Variants in SYNDIG1 observed in about 807,000 individuals in gnomAD.
SYNDIG1 encodes synapse differentiation inducing 1.
Under a neutral mutation model 19.4 loss-of-function variants are expected in SYNDIG1, and 9 were observed. The observed-to-expected ratio is 0.46, with a 90% CI of 0.28 to 0.81. SYNDIG1 has a LOEUF of 0.81. SYNDIG1 is among the 30% of genes least tolerant of loss of function. SYNDIG1 has a pLI of 0.12. For missense variants in SYNDIG1, 311 were observed against 343.3 expected (o/e 0.91, Z 0.74); for synonymous variants, 141 against 145.9 (o/e 0.97, Z 0.24).
At chr20:24,566,793 C>T (rs1215718611) in intron 2 of SYNDIG1, among the ~76,000 whole-genome samples, 1 of 152,206 alleles carries the variant, frequency 6.6e-6, no homozygotes. Context: ...TGTGAATTAC[C>T]TGGGTCTGGT....
At chr20:24,655,348 A>G (rs1218403652) in intron 3 of SYNDIG1, among the ~76,000 whole-genome samples, 1 of 152,216 alleles carries the variant, frequency 6.6e-6, no homozygotes, top group East Asian at 1.9e-4. Context: ...CGTAGTCAAA[A>G]TAATGACCAT....
intron 2 of SYNDIG1, among the ~76,000 whole-genome samples, chr20:24,557,626 C>T (rs549802688): frequency 1.2e-3 from 183 of 152,282 alleles, no homozygotes; most frequent in African/African-American, 4.2e-3. Context: ...AGTGGATTTT[C>T]GTGAACCTCG....
At chr20:24,651,869 C>T (rs1281110769) in intron 3 of SYNDIG1, among the ~76,000 whole-genome samples, 1 of 152,190 alleles carries the variant, frequency 6.6e-6, no homozygotes, top group Non-Finnish European at 1.5e-5. Context: ...GGAAGTTCAG[C>T]TAGCAGTGAC....
chr20:24,657,362 A>C (rs1033702249), intron 3 of SYNDIG1, among the ~76,000 whole-genome samples: 2 of 152,184 alleles, frequency 1.3e-5, no homozygotes, highest in African/African-American at 4.8e-5. Context: ...AGGACACTCA[A>C]GAAGCCTCCC....
intron 3 of SYNDIG1, among the ~76,000 whole-genome samples, chr20:24,617,244 C>T (rs11087472): frequency 0.16 from 25,024 of 152,140 alleles, 2,589 homozygotes; most frequent in East Asian, 0.45. Flanking sequence ...CCGTCCCCAC[C>T]GAACCTCCGT....
chr20:24,482,411 G>A (rs1177342736), intron 1 of SYNDIG1, among the ~76,000 whole-genome samples: 2 of 152,168 alleles, frequency 1.3e-5, no homozygotes, highest in African/African-American at 4.8e-5. Context: ...ATGAAAGTTA[G>A]GGAAGACACA....
At chr20:24,485,633 T>A (rs2146272173) in intron 1 of SYNDIG1, among the ~76,000 whole-genome samples, 1 of 152,378 alleles carries the variant, frequency 6.6e-6, no homozygotes, top group East Asian at 1.9e-4. Flanking sequence ...TAATATCTCC[T>A]TTAAAGAAAG....
chr20:24,507,375 G>T lies in SYNDIG1; in HGVS notation c.-78-35645G>T, dbSNP rs1023392352. Among the ~76,000 whole-genome samples, 7 of 152,330 alleles carry T rather than the reference G, an allele frequency of 4.6e-5. No individual in the cohort carries two copies. The South Asian group carries it at 1.4e-3, about 32-fold the overall frequency. ...TCTGATTCATCATCTATATTCTCAC[G>T]TGGTTCCTGAAGGAGGAATAAATAA... is the stretch of plus-strand genomic sequence containing the variant. On this transcript the variant is annotated intron_variant, in intron 1 of 3. Coordinates refer to ENST00000376862, the MANE Select transcript of SYNDIG1 (RefSeq NM_024893.3).
At chr20:24,471,538 C>T (rs1466534203) in intron 1 of SYNDIG1, among the ~76,000 whole-genome samples, 6 of 150,774 alleles carry the variant, frequency 4.0e-5, no homozygotes, top group Non-Finnish European at 7.4e-5. Flanking sequence ...TGATCGGCGC[C>T]CTCTCTCACC....
chr20:24,478,581 T>C (rs937092220), intron 1 of SYNDIG1, among the ~76,000 whole-genome samples: 7 of 152,278 alleles, frequency 4.6e-5, no homozygotes, highest in Admixed American at 1.3e-4. Flanking sequence ...CCTAGAATAC[T>C]GTTTGGGACA....
chr20:24,512,793 C>T (rs562930593), intron 1 of SYNDIG1, among the ~76,000 whole-genome samples: 194 of 152,314 alleles, frequency 1.3e-3, no homozygotes, highest in Non-Finnish European at 2.2e-3. Flanking sequence ...TCTCCCAGCA[C>T]GGAGTTTGAG....
chr20:24,576,375 C>T (rs184947637), intron 2 of SYNDIG1, among the ~76,000 whole-genome samples: 3 of 152,240 alleles, frequency 2.0e-5, no homozygotes, highest in East Asian at 1.9e-4. Flanking sequence ...ACATTGCCCA[C>T]GATTTCATTT....
chr20:24,640,299 T>G (rs2059359260), intron 3 of SYNDIG1, among the ~76,000 whole-genome samples: 2 of 143,152 alleles, frequency 1.4e-5, no homozygotes, highest in African/African-American at 2.6e-5. Context: ...GCAGCCTGGG[T>G]GACAGTGAGA....
At position 24,584,807 on chromosome 20, in the gene SYNDIG1, C is replaced by G. The variant is rs1173446886; in HGVS notation, c.481-49C>G. 4 of 1,613,098 alleles carry G rather than the reference C, an allele frequency of 2.5e-6. No homozygotes were observed. In the Admixed American group the frequency reaches 6.7e-5, roughly 27 times the overall value. The stretch of plus-strand genomic sequence containing the variant: ...CATCCCTGGACACCCCAGGATGACT[C>G]CTTTATTAATCTTCTCTCCTGTCCT... On this transcript the variant is annotated intron_variant, in intron 2 of 3. Transcript: ENST00000376862.
rs139191658 is a variant in SYNDIG1, at chr20:24,502,991, A to C, written c.-79+33238A>C. ...GCACAATTATGTTCAGTGATCATTC[A>C]AGATGTCATAGCATGAAGCCCATCA... On this transcript the variant is annotated intron_variant, in intron 1 of 3. Transcript: ENST00000376862. 2.6e-5 allele frequency among the ~76,000 whole-genome samples: 4 copies of C among 152,366 alleles called. No homozygotes were observed. The East Asian group carries it at 7.7e-4, about 29-fold the overall frequency.
At chr20:24,538,140 A>G (rs2057399096) in intron 1 of SYNDIG1, among the ~76,000 whole-genome samples, 1 of 152,184 alleles carries the variant, frequency 6.6e-6, no homozygotes, top group South Asian at 2.1e-4. Flanking sequence ...CAATCTTAAC[A>G]ATTTTTAAGT....
chr20:24,619,472 T>C (rs1187605291), intron 3 of SYNDIG1, among the ~76,000 whole-genome samples: 2 of 152,224 alleles, frequency 1.3e-5, no homozygotes, highest in African/African-American at 4.8e-5. Context: ...TTGTTTCACT[T>C]CTCAATATTT....
At chr20:24,575,196 G>A (rs2058208514) in intron 2 of SYNDIG1, among the ~76,000 whole-genome samples, 1 of 152,198 alleles carries the variant, frequency 6.6e-6, no homozygotes, top group African/African-American at 2.4e-5. Context: ...GGGAGTTCAA[G>A]TCTCCCACTA....
In SYNDIG1 at chr20:24,491,175, A is replaced by T. The variant is rs558418056; in HGVS notation, c.-79+21422A>T. On this transcript the variant is annotated intron_variant, in intron 1 of 3. Transcript: ENST00000376862. ...CACTGCCTCAGTCCTTAAGATGCTA[A>T]CCAGTTGGCTCCAATGAGTGTGAGG... Among the ~76,000 whole-genome samples, 4 of 152,362 alleles carry T rather than the reference A, an allele frequency of 2.6e-5. No homozygotes were observed. In the South Asian group the frequency reaches 6.2e-4, roughly 24 times the overall value.
Sources: allele counts gnomAD v4.1 joint callset (sites outside exome capture counted in the v4.1 genomes callset), GRCh38; gene constraint gnomAD v4.1.1; transcripts MANE v1.5; gene names NCBI Gene and HGNC (gene_info 2026-07-23, HGNC 2026-07-21).